NFIC: variants seen among roughly 807,000 people sequenced by gnomAD.
NFIC encodes nuclear factor 1 C-type.
Under a neutral mutation model 54.4 loss-of-function variants are expected in NFIC, and 12 were observed. The observed-to-expected ratio is 0.22, with a 90% CI of 0.14 to 0.36. The LOEUF is 0.36. Ranked by LOEUF, NFIC falls within the 10% of genes least tolerant of loss-of-function variation. The probability of loss-of-function intolerance (pLI) is 1.00; values close to 1 mark genes in which losing one functional copy is unlikely to be tolerated. For missense variants in NFIC, 575 were observed against 718.2 expected, an observed-to-expected ratio of 0.80 and a Z score of 2.28; for synonymous variants, 322 against 319.2, an observed-to-expected ratio of 1.01 and a Z score of -0.09.
intron 7 of NFIC, among the ~76,000 whole-genome samples, chr19:3,449,415 A>G (rs1318707299): frequency 6.7e-6 from 1 of 149,516 alleles, no homozygotes; most frequent in East Asian, 2.0e-4. Flanking sequence ...CCCCGTCTCA[A>G]TCTAATCCCC....
At chr19:3,403,172 C>T (rs930362652) in intron 2 of NFIC, among the ~76,000 whole-genome samples, 5 of 152,156 alleles carry the variant, frequency 3.3e-5, no homozygotes, top group African/African-American at 9.7e-5. Flanking sequence ...AAGCATTTAT[C>T]GAGCACCACC....
At chr19:3,371,322 T>C (rs3829669) in intron 1 of NFIC, 48,693 of 95,820 alleles carry the variant, frequency 0.51, 9,200 homozygotes, top group Middle Eastern at 0.58. Context: ...GGCAGCACAA[T>C]TTTTTTTTTT....
At chr19:3,416,153 G>T (rs1044638911) in intron 2 of NFIC, among the ~76,000 whole-genome samples, 4 of 146,946 alleles carry the variant, frequency 2.7e-5, no homozygotes. Context: ...ACAGAGTGAG[G>T]CCCTGTCTCA....
At position 3,463,839 on chromosome 19, in the gene NFIC, G is replaced by T; in HGVS notation, c.*1070G>T. The T allele has an allele frequency of 1.0e-6, 1 of 984,966 alleles. No individual in the cohort carries two copies. Among genetic ancestry groups the T allele is most frequent in the Non-Finnish European group, 1.2e-6 (1 of 829,780 alleles). The allele number at this position is 984,966 out of a possible 1,614,324, so 61.0% of individuals were successfully genotyped here. On this transcript the variant is annotated 3_prime_UTR_variant, in exon 11 of 11. Transcript: ENST00000443272. ...GGAGGTGAGAGCGAGTGGTTTAAGT[G>T]CCTGATTACCACCACCCGCCCCCCC...
At chr19:3,424,913 C>T (rs1317993535) in intron 2 of NFIC, among the ~76,000 whole-genome samples, 193 bp from the exon 3 acceptor site, 1 of 152,186 alleles carries the variant, frequency 6.6e-6, no homozygotes, top group Non-Finnish European at 1.5e-5. Context: ...GGCCAGATGT[C>T]TGTGACCCTC....
rs964693815 is a variant in NFIC, at chr19:3,463,459, G to A, written c.*690G>A. On this transcript the variant is annotated 3_prime_UTR_variant, in exon 11 of 11. Transcript: ENST00000443272. The stretch of plus-strand genomic sequence containing the variant: ...GCGAGCCCTGGCCAGGGGAGGAAGT[G>A]AGGCCCAGGCACCTGCTGCCCCTCG... The A allele has an allele frequency of 5.1e-6, 5 of 985,426 alleles. No homozygotes were observed. In the South Asian group the frequency reaches 2.3e-4, roughly 46 times the overall value. The allele number at this position is 985,426 out of a possible 1,614,324, so 61.0% of individuals were successfully genotyped here.
intron 2 of NFIC, among the ~76,000 whole-genome samples, chr19:3,415,562 C>T (rs1411423633): frequency 1.3e-5 from 2 of 152,178 alleles, no homozygotes; most frequent in African/African-American, 2.4e-5. Flanking sequence ...TGAGACCACA[C>T]AGCAAGAGGG....
At chr19:3,399,781 G>T (rs573263265) in intron 2 of NFIC, among the ~76,000 whole-genome samples, 23 of 152,196 alleles carry the variant, frequency 1.5e-4, no homozygotes, top group African/African-American at 5.1e-4. Flanking sequence ...TGAGGCAGAA[G>T]AATCACTTGA....
intron 2 of NFIC, among the ~76,000 whole-genome samples, chr19:3,404,325 G>C (rs564454704): frequency 2.0e-5 from 3 of 152,328 alleles, no homozygotes; most frequent in Admixed American, 1.3e-4. Flanking sequence ...GGACCGGGAG[G>C]GGGTGGGGGT....
At chr19:3,424,839 G>A (rs2082003144) in intron 2 of NFIC, among the ~76,000 whole-genome samples, 1 of 152,196 alleles carries the variant, frequency 6.6e-6, no homozygotes, top group African/African-American at 2.4e-5. Context: ...CAGAAGCGGA[G>A]GGCTTACCCA....
intron 1 of NFIC, among the ~76,000 whole-genome samples, chr19:3,367,330 C>T (rs1403106414): frequency 6.6e-6 from 1 of 152,178 alleles, no homozygotes; most frequent in African/African-American, 2.4e-5. Context: ...AGCACCGTCC[C>T]GGTATTTTCG....
chr19:3,466,677 C>G lies in NFIC; in HGVS notation c.*3908C>G, dbSNP rs1452481386. On this transcript the variant is annotated 3_prime_UTR_variant, in exon 11 of 11. Transcript: ENST00000443272. The surrounding 1 kb of genome is among the most constrained non-coding windows in gnomAD (Gnocchi z 4.8). ...TTCTAGCTTTTTTTTTTTTTCTGCC[C>G]CACTCCTGAGCAAATCTGTCTTGCC... The G allele has an allele frequency of 6.6e-6, 1 of 151,766 alleles. No homozygotes were observed. The highest frequency in any genetic ancestry group is 1.5e-5 in the Non-Finnish European group (1 of 67,946). 9.4% of individuals were successfully genotyped at this position (151,766 alleles called of 1,614,324 possible). A position where few individuals can be genotyped will look rare whatever the true frequency, so the allele number is the denominator to read the frequency against.
chr19:3,406,395 ATTT>A (rs11362914), intron 2 of NFIC, among the ~76,000 whole-genome samples: 1 of 142,134 alleles, frequency 7.0e-6, no homozygotes, highest in Non-Finnish European at 1.5e-5. Flanking sequence ...TGCCCTGCCT[ATTT>A]TTTTTTTTTT....
intron 10 of NFIC, among the ~76,000 whole-genome samples, chr19:3,460,702 CAG>C: frequency 6.6e-6 from 1 of 152,038 alleles, no homozygotes; most frequent in African/African-American, 2.4e-5. Flanking sequence ...TTAGTAGAGA[CAG>C]GGTTTCACCA....
chr19:3,387,154 G>A (rs117526932), intron 2 of NFIC, among the ~76,000 whole-genome samples: 3,065 of 152,282 alleles, frequency 0.02, 42 homozygotes, highest in South Asian at 0.049. Context: ...GGTGGATGGC[G>A]GTGGAGGGGC....
rs756762511 is a variant in NFIC, at chr19:3,369,198, CTCTG to C, written c.30+2538_30+2541del. ...TTCTTTGTGTGTCTGTCCGATGTGT[CTCTG>C]TCTGTTTCTCTGTCTCTGTCTCTCT... On this transcript the variant is annotated intron_variant, in intron 1 of 10. Transcript: ENST00000443272. The surrounding 1 kb of genome is among the most constrained non-coding windows in gnomAD (Gnocchi z 4.3). Among the ~76,000 whole-genome samples, 6 of 151,928 alleles carry C rather than the reference CTCTG, an allele frequency of 3.9e-5. No homozygotes were observed. The highest frequency in any genetic ancestry group is 4.2e-4 in the South Asian group (2 of 4,796).
At chr19:3,362,014 C>T (rs2080818089), upstream of NFIC, among the ~76,000 whole-genome samples, 1 of 152,218 alleles carries the variant, frequency 6.6e-6, no homozygotes, top group South Asian at 2.1e-4. Context: ...CGGACACAAA[C>T]ACCGCACTTG....
In NFIC at chr19:3,460,074, A is replaced by G. The variant is rs141420467; in HGVS notation, c.1510-2678A>G. 2.6e-5 allele frequency among the ~76,000 whole-genome samples: 4 copies of G among 152,278 alleles called. No homozygotes were observed. In the East Asian group the frequency reaches 5.8e-4, roughly 22 times the overall value. ...GAGACTGAGGCCGGAGCTGTCCCCA[A>G]ATGACGTGACCTTGGGTACAGCCCC... is the stretch of plus-strand genomic sequence containing the variant. On this transcript the variant is annotated intron_variant, in intron 10 of 10. Transcript: ENST00000443272.
chr19:3,425,020 G>A lies in NFIC; in HGVS notation c.563-86G>A. 10 of 1,444,298 alleles carry A rather than the reference G, an allele frequency of 6.9e-6. No homozygotes were observed. The South Asian group carries it at 9.8e-5, about 14-fold the overall frequency. 89.5% of individuals were successfully genotyped at this position (1,444,298 alleles called of 1,614,324 possible). A position where few individuals can be genotyped will look rare whatever the true frequency, so the allele number is the denominator to read the frequency against. ...TCTCCATAGCACTGGCCCAGCCCAGGACTGGGGCCACCAGCATCGACACTT... is the reference window on the plus strand; with the variant it reads ...TCTCCATAGCACTGGCCCAGCCCAGAACTGGGGCCACCAGCATCGACACTT... On this transcript the variant is annotated intron_variant, in intron 2 of 10. Coordinates refer to ENST00000443272, the MANE Select transcript of NFIC (RefSeq NM_001245002.2).
Sources: allele counts gnomAD v4.1 joint callset (sites outside exome capture counted in the v4.1 genomes callset), GRCh38; gene constraint gnomAD v4.1.1; non-coding constraint Gnocchi (gnomAD v3.1); transcripts MANE v1.5; gene names NCBI Gene and HGNC (gene_info 2026-07-23, HGNC 2026-07-21).